MDFIC2: variants seen among roughly 807,000 people sequenced by gnomAD.
MDFIC2 encodes the protein myoD family inhibitor domain-containing protein 2.
intron 2 of MDFIC2, among the ~76,000 whole-genome samples, chr3:70,309,635 T>C (rs1050906187): frequency 6.6e-6 from 1 of 152,164 alleles, no homozygotes; most frequent in Non-Finnish European, 1.5e-5. Flanking sequence ...CTGCACCACT[T>C]TGACTTTTTT....
At chr3:70,256,599 G>A (rs1701818919) in intron 2 of MDFIC2, among the ~76,000 whole-genome samples, 2 of 152,112 alleles carry the variant, frequency 1.3e-5, no homozygotes, top group African/African-American at 4.8e-5. Context: ...TGCTCCATCA[G>A]TAAATAATGG....
At chr3:70,289,764 T>C (rs1472801485) in intron 2 of MDFIC2, among the ~76,000 whole-genome samples, 2 of 152,166 alleles carry the variant, frequency 1.3e-5, no homozygotes, top group African/African-American at 4.8e-5. Context: ...CGTTTCTTTT[T>C]ATTCTTTTTT....
chr3:70,246,611 T>C (rs1186509635), intron 2 of MDFIC2, among the ~76,000 whole-genome samples: 2 of 152,114 alleles, frequency 1.3e-5, no homozygotes, highest in African/African-American at 2.4e-5. Context: ...AGGAACATAC[T>C]TGATAACTGA....
At chr3:70,265,298 A>G (rs1701906227) in intron 2 of MDFIC2, among the ~76,000 whole-genome samples, 1 of 152,218 alleles carries the variant, frequency 6.6e-6, no homozygotes, top group African/African-American at 2.4e-5. Flanking sequence ...GGGAGAAAAA[A>G]CTAACCTAGT....
chr3:70,253,979 C>G (rs887264757), intron 2 of MDFIC2, among the ~76,000 whole-genome samples: 1 of 152,032 alleles, frequency 6.6e-6, no homozygotes, highest in Non-Finnish European at 1.5e-5. Context: ...ATATAGCTAG[C>G]TCAGAAGATT....
chr3:70,210,753 A>G (rs1423077591), intron 2 of MDFIC2, among the ~76,000 whole-genome samples: 1 of 149,942 alleles, frequency 6.7e-6, no homozygotes, highest in Non-Finnish European at 1.5e-5. Flanking sequence ...CAAAATTAGG[A>G]CAAAAAATAG....
chr3:70,198,346 G>T (rs1165780574), intron 3 of MDFIC2, among the ~76,000 whole-genome samples: 1 of 152,052 alleles, frequency 6.6e-6, no homozygotes, highest in Non-Finnish European at 1.5e-5. Context: ...TAAGCATATA[G>T]AAGAGATTTT....
intron 2 of MDFIC2, among the ~76,000 whole-genome samples, chr3:70,282,181 G>A (rs192092123): frequency 6.6e-6 from 1 of 152,234 alleles, no homozygotes; most frequent in East Asian, 1.9e-4. Flanking sequence ...CTGGGATGCA[G>A]TAATCAAAAA....
In MDFIC2 at chr3:70,254,191, A is replaced by C. The variant is rs76688410; in HGVS notation, c.89-47401T>G. ...TGCTAACTAGTAATGATAAAACATTAGTGTCAATTGCATGATTTTAACAGC... is the reference window on the plus strand; with the variant it reads ...TGCTAACTAGTAATGATAAAACATTCGTGTCAATTGCATGATTTTAACAGC... On this transcript the variant is annotated intron_variant, in intron 2 of 3. Coordinates refer to ENST00000567252, the MANE Select transcript of MDFIC2 (RefSeq NM_001364677.1). 1.0e-3 allele frequency among the ~76,000 whole-genome samples: 155 copies of C among 152,300 alleles called. 2 individuals are homozygous for C. Among genetic ancestry groups the C allele is most frequent in the Non-Finnish European group, 1.7e-3 (116 of 68,014 alleles).
rs1701238690 is a variant in MDFIC2, at chr3:70,201,470, C to T, written c.311-4285G>A. Among the ~76,000 whole-genome samples, 3 of 151,996 alleles carry T rather than the reference C, an allele frequency of 2.0e-5. No individual in the cohort carries two copies. The South Asian group carries it at 6.2e-4, about 31-fold the overall frequency. On this transcript the variant is annotated intron_variant, in intron 3 of 3. Coordinates refer to ENST00000567252, the MANE Select transcript of MDFIC2 (RefSeq NM_001364677.1). ...CATTGATGGACATTTAGTTTGATTCCATGTCTTTGCTATTGCAAATTTTGT... is the reference window on the plus strand; with the variant it reads ...CATTGATGGACATTTAGTTTGATTCTATGTCTTTGCTATTGCAAATTTTGT...
At chr3:70,228,413 C>T (rs1477555538) in intron 2 of MDFIC2, among the ~76,000 whole-genome samples, 6 of 151,622 alleles carry the variant, frequency 4.0e-5, no homozygotes, top group East Asian at 1.9e-4. Flanking sequence ...TTATGACTGA[C>T]GTTAGGCTGC....
At chr3:70,246,534 C>A (rs1447955221) in intron 2 of MDFIC2, among the ~76,000 whole-genome samples, 4 of 151,936 alleles carry the variant, frequency 2.6e-5, no homozygotes, top group Admixed American at 6.6e-5. Flanking sequence ...ACGAGATGCA[C>A]AATTTAATTT....
At chr3:70,237,960 G>T (rs1424999859) in intron 2 of MDFIC2, among the ~76,000 whole-genome samples, 6 of 109,124 alleles carry the variant, frequency 5.5e-5, no homozygotes, top group African/African-American at 2.2e-4. Context: ...GAAGGGAAAA[G>T]AAACTAATTG....
chr3:70,279,695 C>T (rs1472139752), intron 2 of MDFIC2, among the ~76,000 whole-genome samples: 1 of 152,190 alleles, frequency 6.6e-6, no homozygotes, highest in Non-Finnish European at 1.5e-5. Flanking sequence ...GATGCAAACA[C>T]ACACCCTGGG....
chr3:70,264,258 T>C (rs1321714301), intron 2 of MDFIC2, among the ~76,000 whole-genome samples: 1 of 152,234 alleles, frequency 6.6e-6, no homozygotes, highest in Non-Finnish European at 1.5e-5. Flanking sequence ...AAAAAGGCCT[T>C]CGTGTTATCT....
chr3:70,269,227 A>C (rs564574549), intron 2 of MDFIC2, among the ~76,000 whole-genome samples: 2 of 152,356 alleles, frequency 1.3e-5, no homozygotes, highest in Non-Finnish European at 2.9e-5. Context: ...TTAATTATCA[A>C]TTATAGGCTA....
chr3:70,255,433 T>G (rs922332568), intron 2 of MDFIC2, among the ~76,000 whole-genome samples: 1 of 152,194 alleles, frequency 6.6e-6, no homozygotes, highest in Non-Finnish European at 1.5e-5. Flanking sequence ...TAATTTTTTT[T>G]TCTTCTTTAT....
intron 2 of MDFIC2, among the ~76,000 whole-genome samples, chr3:70,258,759 T>C (rs1701840487): frequency 1.3e-5 from 2 of 151,990 alleles, no homozygotes; most frequent in Admixed American, 1.3e-4. Context: ...TAACAAACAA[T>C]AGGGAAATGG....
intron 2 of MDFIC2, among the ~76,000 whole-genome samples, chr3:70,232,490 C>G (rs760716718): frequency 4.6e-5 from 7 of 151,802 alleles, no homozygotes; most frequent in Non-Finnish European, 1.0e-4. Context: ...ACCTCCGACT[C>G]CCGGGTTCAA....
Sources: gnomAD v4.1 joint callset for allele counts (sites outside exome capture counted in the v4.1 genomes callset) on GRCh38, gnomAD v4.1.1 for gene constraint, MANE v1.5 for transcripts, NCBI Gene and HGNC (gene_info 2026-07-23, HGNC 2026-07-21) for gene names.